The following UGT1A10 variants were observed in gnomAD, a reference collection of about 807,000 sequenced individuals.
UGT1A10 encodes UDP glucuronosyltransferase family 1 member A10.
A neutral mutation model predicts 45.8 loss-of-function variants in UGT1A10; 49 were observed. The observed-to-expected ratio is 1.07, with a 90% CI of 0.85 to 1.36. The LOEUF is 1.36. Ranked by LOEUF, UGT1A10 falls within the 40% of genes most tolerant of loss-of-function variation. The probability of loss-of-function intolerance (pLI) is 0.00; values close to 1 mark genes in which losing one functional copy is unlikely to be tolerated. For synonymous variants in UGT1A10, 284 were observed against 249.7 expected, an observed-to-expected ratio of 1.14 and a Z score of -1.29; for missense variants, 745 against 668.6, an observed-to-expected ratio of 1.11 and a Z score of -1.26.
At chr2:233,750,273 A>T (rs1048305257) in intron 1 of UGT1A10, among the ~76,000 whole-genome samples, 6 of 151,954 alleles carry the variant, frequency 3.9e-5, no homozygotes, top group African/African-American at 1.5e-4. Context: ...TGCTTTAGCA[A>T]AGAGACTGGT....
intron 1 of UGT1A10, among the ~76,000 whole-genome samples, chr2:233,728,342 G>T (rs1241528398): frequency 6.6e-6 from 1 of 152,290 alleles, no homozygotes; most frequent in African/African-American, 2.4e-5. Context: ...CCAGTCCCTT[G>T]GTGAGCAGGA....
At chr2:233,700,633 T>C (rs2075577336) in intron 1 of UGT1A10, among the ~76,000 whole-genome samples, 1 of 152,220 alleles carries the variant, frequency 6.6e-6, no homozygotes, top group African/African-American at 2.4e-5. Context: ...TAAGATTTAA[T>C]GACTTTAAGT....
At chr2:233,648,617 C>T (rs1007897115) in intron 1 of UGT1A10, among the ~76,000 whole-genome samples, 34 of 55,468 alleles carry the variant, frequency 6.1e-4, no homozygotes, top group African/African-American at 1.6e-3. Flanking sequence ...CCTGCCACCA[C>T]GCCTGGCTAA....
chr2:233,672,540 T>A, intron 1 of UGT1A10: 1 of 1,613,952 alleles, frequency 6.2e-7, no homozygotes, highest in Non-Finnish European at 8.5e-7. Context: ...ATGCCATGAC[T>A]TTCAAGGAGA....
At chr2:233,704,223 G>A (rs2075773565) in intron 1 of UGT1A10, among the ~76,000 whole-genome samples, 1 of 133,698 alleles carries the variant, frequency 7.5e-6, no homozygotes, top group African/African-American at 2.9e-5. Flanking sequence ...TATCTCTCAT[G>A]TATTTATTTG....
rs375157090 is a variant in UGT1A10 at position 233,673,244 on chromosome 2, T to A, written c.855+35867T>A. ...ATCTAGTATTGGGCTGGACATATTC[T>A]TCTTTTCTTTGCATTTTTCACTTGC... On this transcript the variant is annotated intron_variant, in intron 1 of 4. Coordinates refer to ENST00000344644, the MANE Select transcript of UGT1A10 (RefSeq NM_019075.4). Among the ~76,000 whole-genome samples the A allele has an allele frequency of 2.8e-4, 43 of 152,330 alleles. 1 individual carries two copies. Among genetic ancestry groups the A allele is most frequent in the African/African-American group, 9.4e-4 (39 of 41,594 alleles).
intron 1 of UGT1A10, among the ~76,000 whole-genome samples, chr2:233,696,959 T>C (rs1025809299): frequency 1.3e-5 from 2 of 152,172 alleles, no homozygotes; most frequent in Admixed American, 6.5e-5. Flanking sequence ...CTTTTTAACA[T>C]ATTATTGGAT....
chr2:233,699,831 A>C (rs2075527106), intron 1 of UGT1A10, among the ~76,000 whole-genome samples: 1 of 152,178 alleles, frequency 6.6e-6, no homozygotes, highest in Non-Finnish European at 1.5e-5. Flanking sequence ...CTCAAATAGA[A>C]CTAATTTTTC....
At chr2:233,732,713 G>A (rs556397438) in intron 1 of UGT1A10, among the ~76,000 whole-genome samples, 41 of 149,102 alleles carry the variant, frequency 2.7e-4, no homozygotes, top group African/African-American at 1.0e-3. Flanking sequence ...CTGTAGCCTT[G>A]TAGTACAGTT....
At chr2:233,691,109 A>C (rs1338649252) in intron 1 of UGT1A10, 1 of 985,864 alleles carries the variant, frequency 1.0e-6, no homozygotes, top group African/African-American at 1.7e-5. Context: ...CTATTCCTAC[A>C]TGCTTGCTTA....
chr2:233,729,599 C>G (rs61764030), intron 1 of UGT1A10: 161 of 1,613,870 alleles, frequency 1.0e-4, no homozygotes, highest in Admixed American at 2.2e-4. Flanking sequence ...AACCTCTGCG[C>G]GGCAGTGCTG....
At chr2:233,644,545 A>T (rs1324667211) in intron 1 of UGT1A10, among the ~76,000 whole-genome samples, 1 of 152,142 alleles carries the variant, frequency 6.6e-6, no homozygotes, top group Non-Finnish European at 1.5e-5. Context: ...TAGATGACAG[A>T]GTGAGACTCC....
rs546183589 is a variant in UGT1A10, at chr2:233,683,052, C to CA, written c.855+45682dup. On this transcript the variant is annotated intron_variant, in intron 1 of 4. Transcript: ENST00000344644. The stretch of plus-strand genomic sequence containing the variant: ...TCTAAATGCTATTTTTGGAAAAATA[C>CA]AAAAAAACCACAGTAAGAAATGAAA... Among the ~76,000 whole-genome samples the CA allele has an allele frequency of 7.1e-4, 108 of 151,792 alleles. 1 individual carries two copies. The highest frequency in any genetic ancestry group is 2.3e-3 in the African/African-American group (97 of 41,428).
Position 233,761,147 on chromosome 2 carries a change from C to A in UGT1A10, c.856-5887C>A. 1.9e-6 allele frequency: 3 copies of A among 1,614,204 alleles called. No individual in the cohort carries two copies. In the South Asian group the frequency reaches 3.3e-5, roughly 18 times the overall value. ...AACTGCCTTCACCAAAATCCACTATCCCAGGTGTGTATTGGAGTGGGACTT... is the reference window on the plus strand; with the variant it reads ...AACTGCCTTCACCAAAATCCACTATACCAGGTGTGTATTGGAGTGGGACTT... On this transcript the variant is annotated intron_variant, in intron 1 of 4. Transcript: ENST00000344644.
intron 1 of UGT1A10, among the ~76,000 whole-genome samples, chr2:233,642,960 C>T (rs888463492): frequency 2.6e-5 from 4 of 152,182 alleles, no homozygotes; most frequent in Non-Finnish European, 5.9e-5. Flanking sequence ...ACACAAGCAT[C>T]CTTGTGGCCA....
At chr2:233,755,299 T>C (rs1695851428) in intron 1 of UGT1A10, 2 of 613,704 alleles carry the variant, frequency 3.3e-6, no homozygotes, top group South Asian at 1.7e-5. Flanking sequence ...TGCGGGGCAC[T>C]GGCACAGCGA....
At position 233,747,493 on chromosome 2, in the gene UGT1A10, T is replaced by G; in HGVS notation, c.856-19541T>G. 3.1e-6 allele frequency: 5 copies of G among 1,608,784 alleles called. No individual in the cohort carries two copies. In the South Asian group the frequency reaches 3.3e-5, roughly 11 times the overall value. The stretch of plus-strand genomic sequence containing the variant: ...CAGGATGAATTTGATCGCCTTGTGC[T>G]GGGCCACACTCAACTGTACTTTGAA... On this transcript the variant is annotated intron_variant, in intron 1 of 4. Coordinates refer to ENST00000344644, the MANE Select transcript of UGT1A10 (RefSeq NM_019075.4).
chr2:233,724,353 C>T (rs2077234748), intron 1 of UGT1A10, among the ~76,000 whole-genome samples: 1 of 148,076 alleles, frequency 6.8e-6, no homozygotes, highest in African/African-American at 2.5e-5. Flanking sequence ...CCCCCCACCT[C>T]CCTCCCGGAC....
chr2:233,707,649 C>A (rs1214611953), intron 1 of UGT1A10, among the ~76,000 whole-genome samples: 1 of 151,494 alleles, frequency 6.6e-6, no homozygotes, highest in African/African-American at 2.4e-5. Context: ...TATGAATACA[C>A]CACAATTTTA....
Sources: allele counts gnomAD v4.1 joint callset (sites outside exome capture counted in the v4.1 genomes callset), GRCh38; gene constraint gnomAD v4.1.1; transcripts MANE v1.5; gene names NCBI Gene and HGNC (gene_info 2026-07-23, HGNC 2026-07-21).